TET3: variants seen among roughly 807,000 people sequenced by gnomAD.
TET3 encodes methylcytosine dioxygenase TET3.
In TET3, 19 loss-of-function variants were observed where a neutral mutation model predicts 141.4. The ratio of observed to expected loss-of-function variants is 0.13; its 90% CI spans 0.09 to 0.20. The LOEUF is 0.20. TET3 is among the 10% of genes least tolerant of loss of function. The probability of loss-of-function intolerance (pLI) is 1.00; values close to 1 mark genes in which losing one functional copy is unlikely to be tolerated. For missense variants in TET3, 1,874 were observed against 2,356.9 expected (o/e 0.80, Z 4.24); for synonymous variants, 1,043 against 980.9 (o/e 1.06, Z -1.18).
chr2:74,109,967 C>T (rs7605225), downstream of TET3, among the ~76,000 whole-genome samples: 4,114 of 152,280 alleles, frequency 0.027, 210 homozygotes, highest in African/African-American at 0.094. Context: ...AGGGTTTCAT[C>T]TCCCTGTGTC....
At position 74,105,317 on chromosome 2, in the gene TET3, C is replaced by CTGTT; in HGVS notation, c.*3143_*3146dup. On this transcript the variant is annotated 3_prime_UTR_variant, in exon 12 of 12. Coordinates refer to ENST00000409262, the MANE Select transcript of TET3 (RefSeq NM_001287491.2). ...GCAAACATTTGGTTCCTTTTCTGCT[C>CTGTT]TGTTTTGTTTTCCCTGCCTGTTGCG... is the stretch of plus-strand genomic sequence containing the variant. 1 of 398,628 alleles carries CTGTT rather than the reference C, an allele frequency of 2.5e-6. No homozygotes were observed. Among genetic ancestry groups the CTGTT allele is most frequent in the East Asian group, 3.6e-5 (1 of 28,086 alleles). 24.7% of individuals were successfully genotyped at this position (398,628 alleles called of 1,614,324 possible). A position where few individuals can be genotyped will look rare whatever the true frequency, so the allele number is the denominator to read the frequency against.
At chr2:74,132,624 A>C in the TET3 span, among the ~76,000 whole-genome samples, 2 of 152,180 alleles carry the variant, frequency 1.3e-5, no homozygotes, top group Non-Finnish European at 2.9e-5. Flanking sequence ...TGGCTCAAGC[A>C]ATTCTCCCAT....
At chr2:74,065,616 G>A (rs187262609) in intron 4 of TET3, among the ~76,000 whole-genome samples, 1,445 of 135,846 alleles carry the variant, frequency 0.011, 15 homozygotes, top group Middle Eastern at 0.023. Context: ...CCGTCCGTCC[G>A]TCCGTCCTTC....
At position 74,104,329 on chromosome 2, in the gene TET3, C is replaced by T. The variant is rs1480291346; in HGVS notation, c.*2153C>T. 1 of 152,116 alleles carries T rather than the reference C, an allele frequency of 6.6e-6. No individual in the cohort carries two copies. The highest frequency in any genetic ancestry group is 1.5e-5 in the Non-Finnish European group (1 of 68,022). 9.4% of individuals were successfully genotyped at this position (152,116 alleles called of 1,614,324 possible). A position where few individuals can be genotyped will look rare whatever the true frequency, so the allele number is the denominator to read the frequency against. On this transcript the variant is annotated 3_prime_UTR_variant, in exon 12 of 12. Coordinates refer to ENST00000409262, the MANE Select transcript of TET3 (RefSeq NM_001287491.2). Reference sequence around the variant, plus strand: ...GAGCTTATCAGGACTTAGAATTATTCAGAACTCAGATTTATAGGAAAACCT... The same window carrying T: ...GAGCTTATCAGGACTTAGAATTATTTAGAACTCAGATTTATAGGAAAACCT...
chr2:74,026,253 G>C lies in TET3; in HGVS notation c.361-20025G>C, dbSNP rs563783822. On this transcript the variant is annotated intron_variant, in intron 3 of 11. Transcript: ENST00000409262. ...CTGGTCTGCCACTGCCTCTCCCTGA[G>C]ATCAGGGCTGAGGAACAGAGATCAC... Among the ~76,000 whole-genome samples, 29 of 152,256 alleles carry C rather than the reference G, an allele frequency of 1.9e-4. No homozygotes were observed. The South Asian group carries it at 2.5e-3, about 13-fold the overall frequency.
chr2:74,072,399 CT>C (rs768643788), intron 4 of TET3, among the ~76,000 whole-genome samples: 17 of 151,870 alleles, frequency 1.1e-4, no homozygotes, highest in Non-Finnish European at 1.9e-4. Context: ...ATAATCCCAG[CT>C]ACTTGGGAGG....
At chr2:74,025,768 T>G (rs999904750) in intron 3 of TET3, among the ~76,000 whole-genome samples, 2 of 152,164 alleles carry the variant, frequency 1.3e-5, no homozygotes. Context: ...TTAAGTCTCC[T>G]TTAATCTGGA....
At position 74,048,399 on chromosome 2, in the gene TET3, T is replaced by TG; in HGVS notation, c.2483dup (p.Cys828TrpfsTer12). ...GAGAGCCCAGGCCGAGTTCCCCACC[T>TG]GCGATTGCGTCGGTAAGTCCGCCTG... On this transcript the variant is annotated frameshift_variant, in exon 4 of 12. Coordinates refer to ENST00000409262, the MANE Select transcript of TET3 (RefSeq NM_001287491.2). LOFTEE classifies it high-confidence loss of function. 6.2e-7 allele frequency: 1 copy of TG among 1,607,398 alleles called. No homozygotes were observed. The highest frequency in any genetic ancestry group is 8.5e-7 in the Non-Finnish European group (1 of 1,175,806).
rs547456292 is a variant in TET3, at chr2:73,994,581, A to G, written c.303+7875A>G. 2.2e-4 allele frequency among the ~76,000 whole-genome samples: 33 copies of G among 151,212 alleles called. 1 individual carries two copies. The highest frequency in any genetic ancestry group is 1.9e-3 in the East Asian group (10 of 5,168). ...ATTCACATTTGGTGGTCTCTTGCTA[A>G]GATTATGTGAAGTATATTATCAGGT... On this transcript the variant is annotated intron_variant, in intron 2 of 11. Transcript: ENST00000409262.
chr2:74,119,127 G>A, the TET3 span, among the ~76,000 whole-genome samples: 1 of 152,020 alleles, frequency 6.6e-6, no homozygotes. Flanking sequence ...AGGCTGAGGC[G>A]GGATCACTTG....
intron 4 of TET3, among the ~76,000 whole-genome samples, chr2:74,059,277 G>A (rs557740975): frequency 6.6e-6 from 1 of 152,206 alleles, no homozygotes; most frequent in South Asian, 2.1e-4. Context: ...TTTTGAGACG[G>A]AGTCTCGCTG....
chr2:74,102,205 C>T lies in TET3; in HGVS notation c.*29C>T, dbSNP rs893894742. The T allele has an allele frequency of 5.6e-6, 8 of 1,417,422 alleles. No individual in the cohort carries two copies. Among genetic ancestry groups the T allele is most frequent in the East Asian group, 5.2e-5 (2 of 38,686 alleles). 87.8% of individuals were successfully genotyped at this position (1,417,422 alleles called of 1,614,324 possible). Reference sequence around the variant, plus strand: ...CCAGGGAGCCAGCGTACCTCAGCGTCGGGCCTGGCCCGAGCTGTCTCTGTG... The same window carrying T: ...CCAGGGAGCCAGCGTACCTCAGCGTTGGGCCTGGCCCGAGCTGTCTCTGTG... On this transcript the variant is annotated 3_prime_UTR_variant, in exon 12 of 12. Coordinates refer to ENST00000409262, the MANE Select transcript of TET3 (RefSeq NM_001287491.2).
chr2:74,112,133 G>A (rs1013438949), downstream of TET3, among the ~76,000 whole-genome samples: 2 of 151,822 alleles, frequency 1.3e-5, no homozygotes, highest in African/African-American at 4.8e-5. Flanking sequence ...AATACTCCTC[G>A]ATACTCCCCA....
chr2:74,030,460 A>G (rs2105287518), intron 3 of TET3, among the ~76,000 whole-genome samples: 1 of 152,290 alleles, frequency 6.6e-6, no homozygotes, highest in Admixed American at 6.5e-5. Flanking sequence ...CTGAGTTTTC[A>G]GCTTTCACTA....
At chr2:74,076,441 GTTTTTTTTTTTTTTT>G (rs70965785) in intron 5 of TET3, among the ~76,000 whole-genome samples, 10 of 56,584 alleles carry the variant, frequency 1.8e-4, no homozygotes, top group African/African-American at 5.6e-4. Context: ...ATTCCTCTGG[GTTTTTTTTTTTTTTT>G]TTTTTTTTTT....
chr2:74,030,174 A>G lies in TET3; in HGVS notation c.361-16104A>G, dbSNP rs1407226021. 2.0e-5 allele frequency among the ~76,000 whole-genome samples: 3 copies of G among 152,326 alleles called. No individual in the cohort carries two copies. The East Asian group carries it at 5.8e-4, about 29-fold the overall frequency. On this transcript the variant is annotated intron_variant, in intron 3 of 11. Transcript: ENST00000409262. ...AATTATGTATGCATATAGGAAAGGA[A>G]TGGTTGTTATGATGTGCTGATAGCA...
rs1461465708 is a variant in TET3, at chr2:74,003,127, T to G, written c.321T>G (p.Gly107=). The part of the protein sequence containing the change: ...GLLKEVEIKA[G]EGAGPWGQGA... ...TTTTGCAGGTGGAAATAAAGGCTGG[T>G]GAAGGAGCCGGGCCGTGGGGACAAG... Residue 107 remains glycine (G), a synonymous_variant, in exon 3 of 12, where the codon GGT becomes GGG. Coordinates refer to ENST00000409262, the MANE Select transcript of TET3 (RefSeq NM_001287491.2). 6.5e-7 allele frequency: 1 copy of G among 1,549,912 alleles called. No homozygotes were observed. Among genetic ancestry groups the G allele is most frequent in the Non-Finnish European group, 8.7e-7 (1 of 1,146,842 alleles).
At position 74,047,322 on chromosome 2, in the gene TET3, A is replaced by G; in HGVS notation, c.1405A>G (p.Ser469Gly). The G allele has an allele frequency of 6.2e-7, 1 of 1,614,002 alleles. No individual in the cohort carries two copies. Among genetic ancestry groups the G allele is most frequent in the Non-Finnish European group, 8.5e-7 (1 of 1,179,884 alleles). ...GGCTGAACTGGAGCAGTTGTTGGGCAGCGCCAGTGATTACATCCAGTCAGT... is the reference window on the plus strand; with the variant it reads ...GGCTGAACTGGAGCAGTTGTTGGGCGGCGCCAGTGATTACATCCAGTCAGT... ...PMAELEQLLG[S>G]ASDYIQSVFK... The change falls in exon 4 of 12, where the codon AGC becomes GGC. Residue 469 changes from serine (S) to glycine (G), a missense_variant. Coordinates refer to ENST00000409262, the MANE Select transcript of TET3 (RefSeq NM_001287491.2).
At chr2:74,135,247 G>T in the TET3 span, 1 of 409,480 alleles carries the variant, frequency 2.4e-6, no homozygotes, top group African/African-American at 2.0e-5. Flanking sequence ...TCAGTAAGAT[G>T]AAGAGGCCTG....
Sources: allele counts gnomAD v4.1 joint callset (sites outside exome capture counted in the v4.1 genomes callset), GRCh38; gene constraint gnomAD v4.1.1; transcripts MANE v1.5; gene names NCBI Gene and HGNC (gene_info 2026-07-23, HGNC 2026-07-21).